Variants in PSME1 observed in about 807,000 individuals in gnomAD.
The protein encoded by PSME1 is proteasome activator complex subunit 1.
A neutral mutation model predicts 38.4 loss-of-function variants in PSME1; 15 were observed. The observed-to-expected ratio is 0.39, with a 90% CI of 0.26 to 0.60. The LOEUF is 0.60. Among genes scored for constraint, PSME1 ranks in the 20% least tolerant of loss-of-function variants. PSME1 has a pLI of 0.53. For synonymous variants in PSME1, 106 were observed against 106.8 expected (o/e 0.99, Z 0.05); for missense variants, 249 against 305.6 (o/e 0.81, Z 1.38).
chr14:24,137,343 A>G lies in PSME1; in HGVS notation c.158A>G (p.Asn53Ser). The change falls in exon 4 of 11, where the codon AAC (asparagine) becomes AGC (serine). Residue 53 changes from asparagine to serine, a missense_variant. Coordinates refer to ENST00000206451, the MANE Select transcript of PSME1 (RefSeq NM_006263.4). ...FLKEPALNEA[N>S]LSNLKAPLDI... ...CAGGAGCCAGCTCTCAATGAAGCCAACTTGAGCAATCTGAAGGCCCCATTG... is the reference window on the plus strand; with the variant it reads ...CAGGAGCCAGCTCTCAATGAAGCCAGCTTGAGCAATCTGAAGGCCCCATTG... The G allele has an allele frequency of 6.2e-7, 1 of 1,614,110 alleles. No individual in the cohort carries two copies.
rs1803830 is a variant in PSME1, at chr14:24,137,349, G to A, written c.164G>A (p.Ser55Asn). 3.1e-6 allele frequency: 5 copies of A among 1,614,076 alleles called. No homozygotes were observed. The highest frequency in any genetic ancestry group is 3.4e-6 in the Non-Finnish European group (4 of 1,180,022). Residue 55 changes from serine (S) to asparagine (N), a missense_variant, in exon 4 of 11, where the codon AGC (serine) becomes AAC (asparagine). Transcript: ENST00000206451. ...KEPALNEANL[S>N]NLKAPLDIPV... ...CCAGCTCTCAATGAAGCCAACTTGA[G>A]CAATCTGAAGGCCCCATTGGACATC...
chr14:24,136,467 G>T lies in PSME1; in HGVS notation c.39+166G>T. 1.6e-6 allele frequency: 1 copy of T among 635,890 alleles called. No homozygotes were observed. Among genetic ancestry groups the T allele is most frequent in the Non-Finnish European group, 2.4e-6 (1 of 408,526 alleles). The allele number at this position is 635,890 out of a possible 1,614,324, so 39.4% of individuals were successfully genotyped here. A position where few individuals can be genotyped will look rare whatever the true frequency, so the allele number is the denominator to read the frequency against. On this transcript the variant is annotated intron_variant, in intron 1 of 10. Transcript: ENST00000206451. The surrounding 1 kb of genome is among the most constrained non-coding windows in gnomAD (Gnocchi z 4.8). ...GGGGAGGGCGGCGACTGCTGCCTGC[G>T]GGGAGAGGCGAGGCGGCCGTGGTTC... is the stretch of plus-strand genomic sequence containing the variant.
chr14:24,137,296 C>A, intron 3 of PSME1, 25 bp from the exon 4 acceptor site: 1 of 1,612,262 alleles, frequency 6.2e-7, no homozygotes, highest in African/African-American at 1.3e-5. Context: ...CCCTCACCTC[C>A]AGCCCTCCTC....
Position 24,138,223 on chromosome 14 carries a change from C to A in PSME1, c.487C>A (p.Leu163Ile), listed in dbSNP as rs969469373. The stretch of plus-strand genomic sequence containing the variant: ...GAAGGTGTTTGAGCTGATGACCAGC[C>A]TCCACACCAAGCTAGAAGGCTTCCA... ...QEKVFELMTS[L>I]HTKLEGFHTQ... The change falls in exon 8 of 11, where the codon CTC becomes ATC. Residue 163 changes from leucine to isoleucine, a missense_variant. Coordinates refer to ENST00000206451, the MANE Select transcript of PSME1 (RefSeq NM_006263.4). The A allele has an allele frequency of 1.2e-6, 2 of 1,614,044 alleles. No individual in the cohort carries two copies. Among genetic ancestry groups the A allele is most frequent in the African/African-American group, 2.7e-5 (2 of 74,910 alleles).
At chr14:24,138,655 G>A in intron 10 of PSME1, 81 bp from the exon 11 acceptor site, 2 of 1,613,452 alleles carry the variant, frequency 1.2e-6, no homozygotes. Flanking sequence ...GGGTGACAAA[G>A]CTCAGCTTCT....
rs750805086 is a variant in PSME1 at position 24,137,358 on chromosome 14, A to C, written c.173A>C (p.Lys58Thr). Residue 58 changes from lysine to threonine, a missense_variant, in exon 4 of 11, where the codon AAG (lysine) becomes ACG (threonine). By Grantham distance (78) the Lys-to-Thr change is moderately conservative. Coordinates refer to ENST00000206451, the MANE Select transcript of PSME1 (RefSeq NM_006263.4). ...AATGAAGCCAACTTGAGCAATCTGA[A>C]GGCCCCATTGGACATCCCAGTGCCT... ...ALNEANLSNL[K>T]APLDIPVPDP... 1 of 1,614,112 alleles carries C rather than the reference A, an allele frequency of 6.2e-7. No individual in the cohort carries two copies. The highest frequency in any genetic ancestry group is 8.5e-7 in the Non-Finnish European group (1 of 1,180,032).
In PSME1 at chr14:24,137,018, G is replaced by GT; in HGVS notation, c.72+2dup. The GT allele has an allele frequency of 6.2e-7, 1 of 1,614,110 alleles. No individual in the cohort carries two copies. The highest frequency in any genetic ancestry group is 8.5e-7 in the Non-Finnish European group (1 of 1,180,020). ...GTTTCGTGAAGACCTCTGTACCAAG[G>GT]TAAGACATGCCCCATCAGCGTGGCC... On this transcript the variant is annotated splice_donor_variant, in intron 2 of 10. Transcript: ENST00000206451. LOFTEE classifies it high-confidence loss of function.
rs372568481 is a variant in PSME1 at position 24,138,497 on chromosome 14, C to A, written c.606C>A (p.His202Gln). The A allele has an allele frequency of 6.2e-7, 1 of 1,613,962 alleles. No individual in the cohort carries two copies. Among genetic ancestry groups the A allele is most frequent in the South Asian group, 1.1e-5 (1 of 91,072 alleles). Residue 202 changes from histidine to glutamine, a missense_variant, in exon 10 of 11, where the codon CAC (histidine) becomes CAA (glutamine). Transcript: ENST00000206451. ...AGGGTGATTATCGGCAGCTGGTGCA[C>A]GAGCTGGATGAGGCAGAGTACCGGG... ...PHVGDYRQLV[H>Q]ELDEAEYRDI...
At position 24,136,892 on chromosome 14, in the gene PSME1, C is replaced by A. The variant is rs2037911527; in HGVS notation, c.40-93C>A. Reference sequence around the variant, plus strand: ...CCTTAGAGGGATCCCCTCCACCCTTCCCCAGGTCAGGCCCTACATAACCCT... The same window carrying A: ...CCTTAGAGGGATCCCCTCCACCCTTACCCAGGTCAGGCCCTACATAACCCT... On this transcript the variant is annotated intron_variant, in intron 1 of 10. Transcript: ENST00000206451. This position sits in a 1 kb window ranked among gnomAD's most constrained non-coding sequence, Gnocchi z 4.8. 6.7e-7 allele frequency: 1 copy of A among 1,495,094 alleles called. No individual in the cohort carries two copies. The highest frequency in any genetic ancestry group is 9.3e-7 in the Non-Finnish European group (1 of 1,075,134). 92.6% of individuals were successfully genotyped at this position (1,495,094 alleles called of 1,614,324 possible). A position where few individuals can be genotyped will look rare whatever the true frequency, so the allele number is the denominator to read the frequency against.
In PSME1 at chr14:24,136,215, C is replaced by T. The variant is rs1288585500; in HGVS notation, c.-48C>T. 2.0e-6 allele frequency: 3 copies of T among 1,510,024 alleles called. No homozygotes were observed. Among genetic ancestry groups the T allele is most frequent in the East Asian group, 5.6e-5 (2 of 35,422 alleles). 93.5% of individuals were successfully genotyped at this position (1,510,024 alleles called of 1,614,324 possible). ...CCCTACCGCTTTCGCTTTCCCTTCG[C>T]GGTGCCCACTCCACTCCTTGTGCGG... On this transcript the variant is annotated 5_prime_UTR_variant, in exon 1 of 11. Transcript: ENST00000206451. This position sits in a 1 kb window ranked among gnomAD's most constrained non-coding sequence, Gnocchi z 4.8.
Position 24,138,386 on chromosome 14 carries a change from A to G in PSME1, c.569A>G (p.Lys190Arg), listed in dbSNP as rs769406815. 6.2e-7 allele frequency: 1 copy of G among 1,614,196 alleles called. No homozygotes were observed. The highest frequency in any genetic ancestry group is 1.7e-5 in the Admixed American group (1 of 60,026). ...ERGDAVTKAA[K>R]QPHVGDYRQL... ...GGTGATGCAGTGACTAAAGCAGCCA[A>G]GCAGCCCCATGTGGTAGGTGAGGCC... The change falls in exon 9 of 11, where the codon AAG becomes AGG. Residue 190 changes from lysine to arginine, a missense_variant. By Grantham distance (26) the Lys-to-Arg change is conservative. Coordinates refer to ENST00000206451, the MANE Select transcript of PSME1 (RefSeq NM_006263.4).
chr14:24,136,970 G>C lies in PSME1; in HGVS notation c.40-15G>C. The C allele has an allele frequency of 6.2e-7, 1 of 1,614,130 alleles. No homozygotes were observed. The highest frequency in any genetic ancestry group is 1.1e-5 in the South Asian group (1 of 91,080). On this transcript the variant is annotated splice_polypyrimidine_tract_variant and intron_variant, in intron 1 of 10. Transcript: ENST00000206451. The surrounding 1 kb of genome is among the most constrained non-coding windows in gnomAD (Gnocchi z 4.8). ...CTTAAAGCCAAGTTTCTGAAGGGAT[G>C]CGTGTGCCCCACAGGTGGATGTGTT...
chr14:24,137,486 G>A, intron 4 of PSME1, 34 bp from the exon 5 acceptor site: 1 of 1,614,034 alleles, frequency 6.2e-7, no homozygotes, highest in Non-Finnish European at 8.5e-7. Flanking sequence ...ATCAACCTTA[G>A]TCCTGACTCT....
chr14:24,137,114 A>G, intron 2 of PSME1, 29 bp from the exon 3 acceptor site: 5 of 1,613,692 alleles, frequency 3.1e-6, no homozygotes, highest in Non-Finnish European at 4.2e-6. Flanking sequence ...GCTGACTCCC[A>G]TCCTCCTCCA....
rs1051169973 is a variant in PSME1, at chr14:24,136,666, C to G, written c.40-319C>G. ...CTACTTGCAGAGGACTCTCAGCACC[C>G]CTCCTCACACCTGCCAGGCGACCCC... On this transcript the variant is annotated intron_variant, in intron 1 of 10. Transcript: ENST00000206451. This position sits in a 1 kb window ranked among gnomAD's most constrained non-coding sequence, Gnocchi z 4.8. 6.6e-6 allele frequency among the ~76,000 whole-genome samples: 1 copy of G among 152,286 alleles called. No homozygotes were observed. The highest frequency in any genetic ancestry group is 1.5e-5 in the Non-Finnish European group (1 of 68,000).
chr14:24,136,814 T>C lies in PSME1; in HGVS notation c.40-171T>C. The C allele has an allele frequency of 1.4e-6, 1 of 732,772 alleles. No individual in the cohort carries two copies. Among genetic ancestry groups the C allele is most frequent in the Non-Finnish European group, 2.4e-6 (1 of 416,942 alleles). 45.4% of individuals were successfully genotyped at this position (732,772 alleles called of 1,614,324 possible). On this transcript the variant is annotated intron_variant, in intron 1 of 10. Transcript: ENST00000206451. The surrounding 1 kb of genome is among the most constrained non-coding windows in gnomAD (Gnocchi z 4.8). ...TCCAGGTCTGCAGAGATCCACCTTC[T>C]CCACCACCCCAACCCACCCTACAGG...
In PSME1 at chr14:24,138,922, C is replaced by T; in HGVS notation, c.*106C>T. 2 of 1,592,734 alleles carry T rather than the reference C, an allele frequency of 1.3e-6. No homozygotes were observed. The highest frequency in any genetic ancestry group is 2.2e-5 in the East Asian group (1 of 44,640). On this transcript the variant is annotated 3_prime_UTR_variant, in exon 11 of 11. Transcript: ENST00000206451. ...TGCTTCTGTTGAGATTTTTCCCTCA[C>T]CTTGCCTCTCAGGCACAATAAATAT...
At position 24,137,408 on chromosome 14, in the gene PSME1, G is replaced by T; in HGVS notation, c.223G>T (p.Glu75Ter). The T allele has an allele frequency of 6.2e-7, 1 of 1,614,194 alleles. No homozygotes were observed. Among genetic ancestry groups the T allele is most frequent in the Non-Finnish European group, 8.5e-7 (1 of 1,180,034 alleles). The change falls in exon 4 of 11, where the codon GAG becomes TAG. Residue 75 changes from glutamate to a stop codon, truncating the protein, a stop_gained. Coordinates refer to ENST00000206451, the MANE Select transcript of PSME1 (RefSeq NM_006263.4). LOFTEE classifies it high-confidence loss of function. ...VPDPVKEKEKEERKKQQEKED... is the reference protein window; with the variant it reads ...VPDPVKEKEK ...TGATCCAGTCAAGGAGAAAGAGAAA[G>T]AGGAGCGGAAGAAACAGCAGGAGGC...
chr14:24,137,890 C>A, intron 6 of PSME1, 93 bp downstream of exon 6: 1 of 1,511,114 alleles, frequency 6.6e-7, no homozygotes, highest in Non-Finnish European at 9.2e-7. Flanking sequence ...CAGGTTTTAG[C>A]AAGAGAGGGC....
Sources: gnomAD v4.1 joint callset for allele counts (sites outside exome capture counted in the v4.1 genomes callset) on GRCh38, gnomAD v4.1.1 for gene constraint, Gnocchi (gnomAD v3.1) non-coding constraint, MANE v1.5 for transcripts, NCBI Gene and HGNC (gene_info 2026-07-23, HGNC 2026-07-21) for gene names.